The following CPB1 variants were observed in gnomAD, a reference collection of about 807,000 sequenced individuals.
The protein encoded by CPB1 is carboxypeptidase B1, also known as carboxypeptidase B.
A neutral mutation model predicts 51.4 loss-of-function variants in CPB1; 53 were observed. The ratio of observed to expected loss-of-function variants is 1.03; its 90% CI spans 0.83 to 1.30. The LOEUF is 1.30. Ranked by LOEUF, CPB1 falls within the 50% of genes most tolerant of loss-of-function variation. The probability of loss-of-function intolerance (pLI) is 0.00; values close to 1 mark genes in which losing one functional copy is unlikely to be tolerated. For missense variants in CPB1, 494 were observed against 516.2 expected (o/e 0.96, Z 0.42); for synonymous variants, 189 against 186.9 (o/e 1.01, Z -0.09).
intron 9 of CPB1, among the ~76,000 whole-genome samples, chr3:148,848,854 G>A (rs956062265): frequency 1.3e-5 from 2 of 152,206 alleles, no homozygotes; most frequent in African/African-American, 4.8e-5. Flanking sequence ...TAGCAGAGCA[G>A]TAGAAAGTAG....
chr3:148,841,108 G>A (rs1343236811), intron 5 of CPB1, 133 bp downstream of exon 5: 3 of 638,694 alleles, frequency 4.7e-6, no homozygotes, highest in Non-Finnish European at 7.9e-6. Context: ...CATCCCCGAG[G>A]GAACCAGATT....
Position 148,840,928 on chromosome 3 carries a change from A to G in CPB1, c.427A>G (p.Ser143Gly), listed in dbSNP as rs768717769. 4.3e-6 allele frequency: 7 copies of G among 1,614,144 alleles called. No individual in the cohort carries two copies. The highest frequency in any genetic ancestry group is 4.5e-5 in the East Asian group (2 of 44,874). Reference protein sequence around the residue: ...ATENPALISRSVIGTTFEGRA... With the variant: ...ATENPALISRGVIGTTFEGRA... ...TGAGAATCCAGCCCTCATCTCTCGC[A>G]GTGTTATCGGAACCACATTTGAGGG... The change falls in exon 5 of 11, where the codon AGT (serine) becomes GGT (glycine). Residue 143 changes from serine (S) to glycine (G), a missense_variant. By Grantham distance (56) the Ser-to-Gly change is moderately conservative. Coordinates refer to ENST00000282957, the MANE Select transcript of CPB1 (RefSeq NM_001871.3).
rs764912411 is a variant in CPB1, at chr3:148,827,853, G to A, written c.30G>A (p.Val10=). MLALLVLVT[V]ALASAHHGGE... The stretch of plus-strand genomic sequence containing the variant: ...TGGCACTCTTGGTTCTGGTGACTGT[G>A]GCCCTGGCATCTGCTCATCATGGTG... The change falls in exon 1 of 11, where the codon GTG becomes GTA. Residue 10 remains valine, a synonymous_variant. Transcript: ENST00000282957. 33 of 1,614,168 alleles carry A rather than the reference G, an allele frequency of 2.0e-5. No homozygotes were observed. Among genetic ancestry groups the A allele is most frequent in the South Asian group, 2.0e-4 (18 of 91,084 alleles).
intron 6 of CPB1, among the ~76,000 whole-genome samples, chr3:148,842,294 A>G (rs1713110317): frequency 6.6e-6 from 1 of 152,208 alleles, no homozygotes; most frequent in African/African-American, 2.4e-5. Context: ...AGAGAGTCCA[A>G]CAACTAGCAT....
intron 9 of CPB1, among the ~76,000 whole-genome samples, chr3:148,850,286 TTTTG>T (rs749716087): frequency 6.6e-6 from 1 of 151,820 alleles, no homozygotes; most frequent in Non-Finnish European, 1.5e-5. Context: ...TTGAAGTTTT[TTTTG>T]TTTGTTTGTT....
intron 2 of CPB1, among the ~76,000 whole-genome samples, chr3:148,832,428 T>C: frequency 6.6e-6 from 1 of 151,894 alleles, no homozygotes; most frequent in Non-Finnish European, 1.5e-5. Context: ...AGCATCTTAA[T>C]ACAGGCTCTT....
intron 2 of CPB1, among the ~76,000 whole-genome samples, chr3:148,829,884 C>T (rs778013804): frequency 6.6e-6 from 1 of 152,088 alleles, no homozygotes; most frequent in Non-Finnish European, 1.5e-5. Context: ...CTCAACTACC[C>T]AAGCTAGGGG....
chr3:148,844,008 A>C (rs1005551977), intron 6 of CPB1, among the ~76,000 whole-genome samples: 2 of 152,168 alleles, frequency 1.3e-5, no homozygotes, highest in African/African-American at 4.8e-5. Flanking sequence ...GATCATCTAC[A>C]GGAGGTTTTA....
intron 3 of CPB1, among the ~76,000 whole-genome samples, chr3:148,836,834 T>A (rs1004893521): frequency 6.6e-6 from 1 of 152,156 alleles, no homozygotes; most frequent in African/African-American, 2.4e-5. Context: ...TGGTAACTAG[T>A]ATTTAGACGA....
chr3:148,857,307 G>A (rs1713608315), intron 9 of CPB1, 150 bp from the exon 10 acceptor site: 1 of 590,290 alleles, frequency 1.7e-6, no homozygotes, highest in Non-Finnish European at 3.0e-6. Flanking sequence ...ACTAGGTTAA[G>A]TAGAAAAATG....
At chr3:148,833,632 C>T (rs1292443644) in intron 2 of CPB1, among the ~76,000 whole-genome samples, 1 of 152,118 alleles carries the variant, frequency 6.6e-6, no homozygotes, top group African/African-American at 2.4e-5. Context: ...TCTAGGCTTC[C>T]ACTCGGCACA....
intron 9 of CPB1, among the ~76,000 whole-genome samples, chr3:148,852,120 AG>A (rs1713450907): frequency 6.6e-6 from 1 of 152,242 alleles, no homozygotes; most frequent in South Asian, 2.1e-4. Flanking sequence ...GACCTAGCAG[AG>A]GTGTTTAAAA....
intron 5 of CPB1, 134 bp from the exon 6 acceptor site, chr3:148,841,689 T>A: frequency 1.6e-6 from 1 of 622,758 alleles, no homozygotes; most frequent in Non-Finnish European, 2.9e-6. Flanking sequence ...TATATTTTAA[T>A]TTAATCATGG....
intron 5 of CPB1, among the ~76,000 whole-genome samples, chr3:148,841,589 T>G (rs754780939): frequency 1.3e-5 from 2 of 152,214 alleles, no homozygotes; most frequent in Non-Finnish European, 2.9e-5. Context: ...AAATATGAGC[T>G]TGTCAAGCTT....
At chr3:148,828,256 T>G (rs1368886688) in intron 2 of CPB1, among the ~76,000 whole-genome samples, 179 bp downstream of exon 2, 1 of 152,234 alleles carries the variant, frequency 6.6e-6, no homozygotes, top group African/African-American at 2.4e-5. Context: ...TAGATTGCCA[T>G]AAGCCCTGTA....
At chr3:148,844,302 TA>T (rs1375157018) in intron 6 of CPB1, among the ~76,000 whole-genome samples, 175 bp from the exon 7 acceptor site, 1 of 152,166 alleles carries the variant, frequency 6.6e-6, no homozygotes, top group Non-Finnish European at 1.5e-5. Flanking sequence ...CAATTATAAA[TA>T]AAAATATCAA....
intron 2 of CPB1, among the ~76,000 whole-genome samples, chr3:148,833,073 A>G (rs1712788540): frequency 6.6e-6 from 1 of 152,112 alleles, no homozygotes; most frequent in Non-Finnish European, 1.5e-5. Flanking sequence ...CCTTCTCTCC[A>G]CAATGTTGGC....
chr3:148,857,062 G>GTTTTTTTGTTTTTTTTTTTTTTTTT (rs750155151), intron 9 of CPB1: 11 of 48,176 alleles, frequency 2.3e-4, no homozygotes, highest in African/African-American at 7.8e-4. Context: ...ATTGCCAAGT[G>GTTTTTTTGTTTTTTTTTTTTTTTTT]TTTTTTTTTT....
chr3:148,850,426 C>T (rs1300177236), intron 9 of CPB1, among the ~76,000 whole-genome samples: 1 of 152,060 alleles, frequency 6.6e-6, no homozygotes, highest in Non-Finnish European at 1.5e-5. Flanking sequence ...CTCAGCCTCC[C>T]GAGTAGCTGG....
Sources: allele counts gnomAD v4.1 joint callset (sites outside exome capture counted in the v4.1 genomes callset), GRCh38; gene constraint gnomAD v4.1.1; transcripts MANE v1.5; gene names NCBI Gene and HGNC (gene_info 2026-07-23, HGNC 2026-07-21).